The following PRKCH variants were observed in gnomAD, a reference collection of about 807,000 sequenced individuals.
PRKCH encodes protein kinase C eta.
A neutral mutation model predicts 82.5 loss-of-function variants in PRKCH; 28 were observed. The observed-to-expected ratio is 0.34, with a 90% CI of 0.25 to 0.47. The LOEUF is 0.47. PRKCH is among the 20% of genes least tolerant of loss of function. The probability of loss-of-function intolerance (pLI) is 1.00; values close to 1 mark genes in which losing one functional copy is unlikely to be tolerated. For missense variants in PRKCH, 705 were observed against 881.8 expected, an observed-to-expected ratio of 0.80 and a Z score of 2.54; for synonymous variants, 322 against 327.4, an observed-to-expected ratio of 0.98 and a Z score of 0.18.
intron 1 of PRKCH, among the ~76,000 whole-genome samples, chr14:61,261,777 T>C (rs2045046872): frequency 1.3e-5 from 2 of 152,124 alleles, no homozygotes; most frequent in Non-Finnish European, 2.9e-5. Context: ...ATGTTACAGA[T>C]TTAAGGATTT....
rs939730386 is a variant in PRKCH, at chr14:61,486,294, G to A, written c.1433+638G>A. On this transcript the variant is annotated intron_variant, in intron 10 of 13. Coordinates refer to ENST00000332981, the MANE Select transcript of PRKCH (RefSeq NM_006255.5). ...GTGGCTAACCTGCTCTAAGTTACAAGAATTACAGTCATGTGGAGCATGGCT... is the reference window on the plus strand; with the variant it reads ...GTGGCTAACCTGCTCTAAGTTACAAAAATTACAGTCATGTGGAGCATGGCT... 5.6e-4 allele frequency among the ~76,000 whole-genome samples: 67 copies of A among 120,074 alleles called. No homozygotes were observed. The Admixed American group carries it at 5.9e-3, about 11-fold the overall frequency. 78.8% of individuals were successfully genotyped at this position (120,074 alleles called of 152,430 possible). A position where few individuals can be genotyped will look rare whatever the true frequency, so the allele number is the denominator to read the frequency against.
At chr14:61,243,211 A>G (rs534339510) in intron 1 of PRKCH, among the ~76,000 whole-genome samples, 1 of 151,872 alleles carries the variant, frequency 6.6e-6, no homozygotes, top group Non-Finnish European at 1.5e-5. Context: ...CTTGGCCAAT[A>G]TAGCAAAACC....
At chr14:61,493,456 A>G (rs1418168055) in intron 10 of PRKCH, among the ~76,000 whole-genome samples, 9 of 152,216 alleles carry the variant, frequency 5.9e-5, no homozygotes, top group Admixed American at 5.9e-4. Flanking sequence ...AGTACTTACC[A>G]TGGAATTGGC....
At chr14:61,466,540 G>T (rs1318195468) in intron 9 of PRKCH, among the ~76,000 whole-genome samples, 1 of 152,104 alleles carries the variant, frequency 6.6e-6, no homozygotes, top group Non-Finnish European at 1.5e-5. Context: ...ACAGGAAGGG[G>T]GAGCAGCAAA....
At chr14:61,441,383 T>A (rs1258210661) in intron 2 of PRKCH, among the ~76,000 whole-genome samples, 1 of 152,130 alleles carries the variant, frequency 6.6e-6, no homozygotes, top group African/African-American at 2.4e-5. Context: ...TGGAGCCCGG[T>A]TTATACTCCT....
chr14:61,252,748 T>A (rs1156896354), intron 1 of PRKCH, among the ~76,000 whole-genome samples: 2 of 152,248 alleles, frequency 1.3e-5, no homozygotes, highest in East Asian at 3.8e-4. Flanking sequence ...AAGTACAGAC[T>A]TGAAGCCTAC....
chr14:61,432,998 A>G (rs1481693527), intron 2 of PRKCH, among the ~76,000 whole-genome samples: 2 of 135,590 alleles, frequency 1.5e-5, no homozygotes, highest in African/African-American at 5.6e-5. Context: ...TGCTGCACCT[A>G]TTGACCTGTC....
At chr14:61,213,309 C>A (rs888658883) in intron 1 of PRKCH, among the ~76,000 whole-genome samples, 1 of 152,142 alleles carries the variant, frequency 6.6e-6, no homozygotes, top group South Asian at 2.1e-4. Context: ...GGTGGATTAA[C>A]CCAATCACAT....
At chr14:61,528,654 C>T (rs1287419463) in intron 10 of PRKCH, among the ~76,000 whole-genome samples, 1 of 152,168 alleles carries the variant, frequency 6.6e-6, no homozygotes, top group Non-Finnish European at 1.5e-5. Flanking sequence ...GTGCCTGTCA[C>T]CACCCCGGGC....
At chr14:61,315,426 A>T (rs1045996355) in intron 1 of PRKCH, among the ~76,000 whole-genome samples, 2 of 152,224 alleles carry the variant, frequency 1.3e-5, no homozygotes, top group African/African-American at 4.8e-5. Context: ...AAATAGAGAT[A>T]ATAACATTTC....
intron 12 of PRKCH, among the ~76,000 whole-genome samples, 198 bp from the exon 13 acceptor site, chr14:61,547,545 A>T (rs58800443): frequency 0.02 from 2,982 of 152,354 alleles, 111 homozygotes; most frequent in African/African-American, 0.069. Flanking sequence ...GGGAAAAGCC[A>T]TAAATCCACA....
At chr14:61,539,932 GTT>G (rs2043161012) in intron 12 of PRKCH, among the ~76,000 whole-genome samples, 1 of 152,196 alleles carries the variant, frequency 6.6e-6, no homozygotes, top group Admixed American at 6.5e-5. Context: ...CACATTACGT[GTT>G]TTAGTTTTTC....
chr14:61,395,207 C>T (rs2046756406), intron 2 of PRKCH, among the ~76,000 whole-genome samples: 1 of 151,476 alleles, frequency 6.6e-6, no homozygotes, highest in South Asian at 2.1e-4. Context: ...TTGCACGTTG[C>T]TGCTGCCTTT....
intron 1 of PRKCH, among the ~76,000 whole-genome samples, chr14:61,246,800 T>C (rs974828130): frequency 1.3e-5 from 2 of 152,150 alleles, no homozygotes; most frequent in Admixed American, 1.3e-4. Context: ...GTTGCACAGA[T>C]TGGTGCTAAA....
At chr14:61,492,607 C>T (rs571207429) in intron 10 of PRKCH, among the ~76,000 whole-genome samples, 44 of 152,358 alleles carry the variant, frequency 2.9e-4, no homozygotes, top group African/African-American at 1.0e-3. Flanking sequence ...GCATTCAACC[C>T]TGTTTACTCC....
chr14:61,216,439 C>T (rs73315467), intron 1 of PRKCH, among the ~76,000 whole-genome samples: 5,694 of 151,060 alleles, frequency 0.038, 231 homozygotes, highest in African/African-American at 0.1. Flanking sequence ...CACTGCACTC[C>T]GGCCTGTGTG....
chr14:61,442,240 A>G (rs2140275897), intron 2 of PRKCH, among the ~76,000 whole-genome samples: 1 of 152,342 alleles, frequency 6.6e-6, no homozygotes, highest in East Asian at 1.9e-4. Flanking sequence ...TGTAGTTTTC[A>G]GAGTCCTCAG....
intron 1 of PRKCH, among the ~76,000 whole-genome samples, chr14:61,365,306 A>T (rs561899306): frequency 4.6e-5 from 7 of 152,252 alleles, no homozygotes; most frequent in African/African-American, 1.7e-4. Context: ...TGTGGTAAAA[A>T]GTCTGACTTT....
At chr14:61,333,154 G>C (rs543706795) in intron 1 of PRKCH, among the ~76,000 whole-genome samples, 1 of 152,184 alleles carries the variant, frequency 6.6e-6, no homozygotes, top group Non-Finnish European at 1.5e-5. Flanking sequence ...ATAGATTACT[G>C]TTGTTTAATT....
Sources: gnomAD v4.1 joint callset for allele counts (sites outside exome capture counted in the v4.1 genomes callset) on GRCh38, gnomAD v4.1.1 for gene constraint, MANE v1.5 for transcripts, NCBI Gene and HGNC (gene_info 2026-07-23, HGNC 2026-07-21) for gene names.